Variants in RBFOX1 observed in about 807,000 individuals in gnomAD.
RBFOX1 encodes the protein RNA binding protein fox-1 homolog 1.
A neutral mutation model predicts 57.7 loss-of-function variants in RBFOX1; 8 were observed. That is an observed-to-expected ratio of 0.14 (90% CI 0.08 to 0.25). RBFOX1 has a LOEUF of 0.25. RBFOX1 is among the 10% of genes least tolerant of loss of function. The pLI is 1.00. For synonymous variants in RBFOX1, 326 were observed against 222.4 expected (o/e 1.47, Z -4.15); for missense variants, 611 against 548.5 (o/e 1.11, Z -1.14).
intron 2 of RBFOX1, among the ~76,000 whole-genome samples, chr16:5,475,888 C>G (rs1403899225): frequency 1.3e-5 from 2 of 152,212 alleles, no homozygotes; most frequent in African/African-American, 4.8e-5. Context: ...CCACTGCAGT[C>G]TCAAACTCCT....
chr16:7,284,732 C>T (rs1364170812), intron 4 of RBFOX1, among the ~76,000 whole-genome samples: 2 of 152,152 alleles, frequency 1.3e-5, no homozygotes, highest in Non-Finnish European at 2.9e-5. Flanking sequence ...TGCGACCTCA[C>T]GGTTTATCTG....
At chr16:6,267,524 C>G (rs539030266) in intron 1 of RBFOX1, among the ~76,000 whole-genome samples, 3 of 152,236 alleles carry the variant, frequency 2.0e-5, no homozygotes, top group African/African-American at 7.2e-5. Flanking sequence ...TTTGTGAAAA[C>G]GAGCAACAGT....
chr16:6,099,551 C>T (rs1462289493), intron 1 of RBFOX1, among the ~76,000 whole-genome samples: 1 of 152,108 alleles, frequency 6.6e-6, no homozygotes, highest in African/African-American at 2.4e-5. Context: ...GAGCAATTGC[C>T]TAATGGTTGT....
At chr16:6,812,490 T>C (rs1237053558) in intron 3 of RBFOX1, among the ~76,000 whole-genome samples, 2 of 152,036 alleles carry the variant, frequency 1.3e-5, no homozygotes, top group East Asian at 1.9e-4. Context: ...TCTCTTGCCA[T>C]AGCCTACTGA....
chr16:5,549,957 C>T (rs893592400), intron 2 of RBFOX1, among the ~76,000 whole-genome samples: 1 of 152,138 alleles, frequency 6.6e-6, no homozygotes, highest in Admixed American at 6.6e-5. Flanking sequence ...TATGTGTGCG[C>T]CCATGTGCAC....
intron 3 of RBFOX1, among the ~76,000 whole-genome samples, chr16:5,658,024 G>C (rs371663878): frequency 6.6e-6 from 1 of 152,012 alleles, no homozygotes; most frequent in Non-Finnish European, 1.5e-5. Context: ...GAGCCACTGC[G>C]CCCAGCTAAG....
In RBFOX1 at chr16:7,604,207, G is replaced by C. The variant is rs189142709; in HGVS notation, c.623-3078G>C. Among the ~76,000 whole-genome samples the C allele has an allele frequency of 9.5e-4, 144 of 152,266 alleles. 2 individuals are homozygous for C. The highest frequency in any genetic ancestry group is 3.2e-3 in the African/African-American group (132 of 41,562). On this transcript the variant is annotated intron_variant, in intron 9 of 15. Coordinates refer to ENST00000550418, the MANE Select transcript of RBFOX1 (RefSeq NM_018723.4). ...TTGCTGAGTAACAGGTTTCATGAGT[G>C]GGGGGAGAAGAGGGAGACTAGAAAT... is the stretch of plus-strand genomic sequence containing the variant.
At chr16:7,383,891 A>G (rs369303845) in intron 4 of RBFOX1, among the ~76,000 whole-genome samples, 3 of 152,016 alleles carry the variant, frequency 2.0e-5, no homozygotes, top group South Asian at 4.1e-4. Flanking sequence ...ACCATCTACT[A>G]AAAATACAAA....
At chr16:7,253,430 C>T (rs1603449385) in intron 4 of RBFOX1, among the ~76,000 whole-genome samples, 1 of 152,142 alleles carries the variant, frequency 6.6e-6, no homozygotes, top group African/African-American at 2.4e-5. Context: ...TCTTCCTTGT[C>T]CTTAGGGTAA....
At chr16:6,823,030 G>C (rs1376405124) in intron 3 of RBFOX1, among the ~76,000 whole-genome samples, 1 of 152,058 alleles carries the variant, frequency 6.6e-6, no homozygotes, top group African/African-American at 2.4e-5. Context: ...GCATTATTCT[G>C]ATGTCATGTT....
At chr16:7,311,852 C>A (rs1288087394) in intron 4 of RBFOX1, among the ~76,000 whole-genome samples, 1 of 152,148 alleles carries the variant, frequency 6.6e-6, no homozygotes, top group African/African-American at 2.4e-5. Context: ...ATATGTAGGA[C>A]AGAAGTCATG....
chr16:7,413,463 C>T (rs992625822), intron 4 of RBFOX1, among the ~76,000 whole-genome samples: 1 of 152,102 alleles, frequency 6.6e-6, no homozygotes, highest in Non-Finnish European at 1.5e-5. Context: ...TTGCATTTCT[C>T]ACAAGATCCA....
chr16:6,946,216 T>A (rs1368446369), intron 3 of RBFOX1, among the ~76,000 whole-genome samples: 1 of 152,212 alleles, frequency 6.6e-6, no homozygotes, highest in Non-Finnish European at 1.5e-5. Context: ...AGGATTTGGG[T>A]GCCATATGGT....
chr16:6,728,053 A>G (rs916200899), intron 3 of RBFOX1, among the ~76,000 whole-genome samples: 4 of 152,244 alleles, frequency 2.6e-5, no homozygotes, highest in Non-Finnish European at 4.4e-5. Flanking sequence ...TCTAAGTAAC[A>G]TAATGCAGTC....
At chr16:6,946,351 A>G (rs1421219656) in intron 3 of RBFOX1, among the ~76,000 whole-genome samples, 1 of 152,236 alleles carries the variant, frequency 6.6e-6, no homozygotes, top group Non-Finnish European at 1.5e-5. Flanking sequence ...AGGTCTGGCC[A>G]GCTGGCCCTG....
At chr16:5,462,460 G>A (rs1017394652) in intron 1 of RBFOX1, among the ~76,000 whole-genome samples, 7 of 152,078 alleles carry the variant, frequency 4.6e-5, no homozygotes, top group African/African-American at 1.7e-4. Context: ...GAGCCACCGC[G>A]CCCGGCCGAA....
chr16:5,301,292 C>T (rs931624706), intron 1 of RBFOX1, among the ~76,000 whole-genome samples: 1 of 152,094 alleles, frequency 6.6e-6, no homozygotes, highest in Non-Finnish European at 1.5e-5. Flanking sequence ...AGTCCAATAG[C>T]CTGCACGTGT....
At chr16:6,826,732 T>G (rs1370684514) in intron 3 of RBFOX1, among the ~76,000 whole-genome samples, 1 of 152,170 alleles carries the variant, frequency 6.6e-6, no homozygotes, top group Non-Finnish European at 1.5e-5. Context: ...TCACGCTCAT[T>G]TCTCTTTAAT....
chr16:7,011,053 A>G (rs994409465), intron 3 of RBFOX1, among the ~76,000 whole-genome samples: 1 of 148,640 alleles, frequency 6.7e-6, no homozygotes, highest in African/African-American at 2.6e-5. Flanking sequence ...TTGCCTTTTA[A>G]TTGAAAGCAA....
Sources: allele counts gnomAD v4.1 joint callset (sites outside exome capture counted in the v4.1 genomes callset), GRCh38; gene constraint gnomAD v4.1.1; transcripts MANE v1.5; gene names NCBI Gene and HGNC (gene_info 2026-07-23, HGNC 2026-07-21).